Variants in SEL1L observed in about 807,000 individuals in gnomAD.
SEL1L encodes protein sel-1 homolog 1.
SEL1L carries 52 observed loss-of-function variants against 109.8 expected under a neutral mutation model. The observed-to-expected ratio is 0.47, with a 90% confidence interval of 0.38 to 0.60. SEL1L has a LOEUF of 0.60. Among genes scored for constraint, SEL1L ranks in the 20% least tolerant of loss-of-function variants. The pLI, the probability that SEL1L is intolerant of heterozygous loss-of-function variation, is 0.00. For missense variants in SEL1L, 749 were observed against 962.2 expected, an observed-to-expected ratio of 0.78 and a Z score of 2.93; for synonymous variants, 373 against 339.6, an observed-to-expected ratio of 1.10 and a Z score of -1.08.
intron 3 of SEL1L, among the ~76,000 whole-genome samples, chr14:81,507,205 A>G (rs1884274920): frequency 6.6e-6 from 1 of 152,218 alleles, no homozygotes; most frequent in Admixed American, 6.5e-5. Context: ...AGAACAATGG[A>G]AACTCACTGA....
Position 81,525,124 on chromosome 14 carries a change from T to C in SEL1L, c.340+1609A>G, listed in dbSNP as rs117546986. ...ATGCGGAATTTGCCTTAAAATATTCTAGGAAAGAAAAAAAGGGCAAATGTG... is the reference window on the plus strand; with the variant it reads ...ATGCGGAATTTGCCTTAAAATATTCCAGGAAAGAAAAAAAGGGCAAATGTG... On this transcript the variant is annotated intron_variant, in intron 3 of 20. Transcript: ENST00000336735. Among the ~76,000 whole-genome samples the C allele has an allele frequency of 2.2e-3, 331 of 152,170 alleles. 2 individuals are homozygous for C. In the Middle Eastern group the frequency reaches 0.037, roughly 17 times the overall value.
Position 81,472,852 on chromosome 14 carries a change from G to GT in SEL1L, c.*4119_*4120insA. The GT allele has an allele frequency of 4.2e-6, 1 of 235,788 alleles. No homozygotes were observed. Among genetic ancestry groups the GT allele is most frequent in the South Asian group, 4.9e-5 (1 of 20,412 alleles). The allele number at this position is 235,788 out of a possible 1,614,324, so 14.6% of individuals were successfully genotyped here. ...AATTTCCAAAAAACATTAAAAAATT[G>GT]AATCATTCAGCTTAAAAAAAGTCTG... On this transcript the variant is annotated 3_prime_UTR_variant, in exon 21 of 21. Coordinates refer to ENST00000336735, the MANE Select transcript of SEL1L (RefSeq NM_005065.6).
chr14:81,489,425 A>T, intron 13 of SEL1L, 111 bp from the exon 14 acceptor site: 3 of 854,808 alleles, frequency 3.5e-6, no homozygotes, highest in Non-Finnish European at 1.9e-6. Context: ...AACATGTCTT[A>T]GTACTTTTCA....
At chr14:81,513,061 C>T (rs1489280276) in intron 3 of SEL1L, among the ~76,000 whole-genome samples, 3 of 152,184 alleles carry the variant, frequency 2.0e-5, no homozygotes, top group Admixed American at 1.3e-4. Context: ...CCAATCAGCA[C>T]TCTGTGTCTA....
At chr14:81,489,416 A>G in intron 13 of SEL1L, 102 bp from the exon 14 acceptor site, 1 of 942,688 alleles carries the variant, frequency 1.1e-6, no homozygotes, top group East Asian at 2.4e-5. Context: ...ATATTCAAAA[A>G]CATGTCTTAG....
intron 3 of SEL1L, among the ~76,000 whole-genome samples, chr14:81,513,561 A>G (rs1884574588): frequency 6.6e-6 from 1 of 152,202 alleles, no homozygotes. Context: ...AATTCTGGAC[A>G]CATTTTGGCA....
chr14:81,505,908 T>C (rs1001808713), intron 4 of SEL1L, among the ~76,000 whole-genome samples, 166 bp downstream of exon 4: 4 of 152,160 alleles, frequency 2.6e-5, no homozygotes, highest in African/African-American at 9.7e-5. Context: ...TGAAAATAAA[T>C]ACACCAAGTT....
intron 3 of SEL1L, among the ~76,000 whole-genome samples, chr14:81,525,103 G>A (rs1446506605): frequency 3.9e-5 from 6 of 152,100 alleles, no homozygotes; most frequent in South Asian, 2.1e-4. Context: ...AAGCACATGC[G>A]GAATTTGCCT....
chr14:81,480,010 T>C (rs12890754), intron 19 of SEL1L, among the ~76,000 whole-genome samples: 84,449 of 151,868 alleles, frequency 0.56, 27,083 homozygotes, highest in East Asian at 0.74. Flanking sequence ...CATATATCTA[T>C]GCATTAACAC....
At chr14:81,496,146 A>T (rs974041070) in intron 10 of SEL1L, among the ~76,000 whole-genome samples, 1 of 151,876 alleles carries the variant, frequency 6.6e-6, no homozygotes, top group Non-Finnish European at 1.5e-5. Flanking sequence ...ACATGGTGAA[A>T]CCCTGTCTCT....
intron 12 of SEL1L, 134 bp from the exon 13 acceptor site, chr14:81,490,599 A>C: frequency 1.4e-6 from 1 of 697,830 alleles, no homozygotes; most frequent in Non-Finnish European, 2.4e-6. Context: ...CCCACAGGAT[A>C]TTTTAGAATT....
In SEL1L at chr14:81,522,869, T is replaced by C. The variant is rs1884975103; in HGVS notation, c.340+3864A>G. Among the ~76,000 whole-genome samples the C allele has an allele frequency of 2.0e-5, 3 of 152,192 alleles. 1 individual carries two copies. In the South Asian group the frequency reaches 6.2e-4, roughly 32 times the overall value. On this transcript the variant is annotated intron_variant, in intron 3 of 20. Coordinates refer to ENST00000336735, the MANE Select transcript of SEL1L (RefSeq NM_005065.6). ...CTATGTAAATAGTTACGCTACATTGTTCAGGGAATAATGACAAGAACAAAA... is the reference window on the plus strand; with the variant it reads ...CTATGTAAATAGTTACGCTACATTGCTCAGGGAATAATGACAAGAACAAAA...
At chr14:81,515,863 G>A (rs980402239) in intron 3 of SEL1L, among the ~76,000 whole-genome samples, 2 of 152,072 alleles carry the variant, frequency 1.3e-5, no homozygotes, top group African/African-American at 4.8e-5. Flanking sequence ...TCTATAATAG[G>A]GACCAAGAGG....
intron 3 of SEL1L, among the ~76,000 whole-genome samples, chr14:81,511,365 A>G (rs539252620): frequency 2.3e-4 from 35 of 152,348 alleles, no homozygotes; most frequent in Admixed American, 6.5e-4. Context: ...GGCAAACTTC[A>G]TATTAATCAG....
intron 14 of SEL1L, chr14:81,488,881 G>C: frequency 3.7e-6 from 1 of 272,238 alleles, no homozygotes; most frequent in Non-Finnish European, 7.0e-6. Flanking sequence ...GGGCAGAACA[G>C]AAAGCTTTCC....
rs769274285 is a variant in SEL1L, at chr14:81,493,238, G to A, written c.1186-690C>T. On this transcript the variant is annotated intron_variant, in intron 11 of 20. Coordinates refer to ENST00000336735, the MANE Select transcript of SEL1L (RefSeq NM_005065.6). Reference sequence around the variant, plus strand: ...CAAAAAATAAAACTCAGCAGGGCACGGTGGCTCTCACCTGTAATCCCTGCA... The same window carrying A: ...CAAAAAATAAAACTCAGCAGGGCACAGTGGCTCTCACCTGTAATCCCTGCA... 1.1e-4 allele frequency among the ~76,000 whole-genome samples: 16 copies of A among 152,108 alleles called. 1 individual carries two copies. Among genetic ancestry groups the A allele is most frequent in the Admixed American group, 8.5e-4 (13 of 15,264 alleles).
intron 19 of SEL1L, among the ~76,000 whole-genome samples, chr14:81,482,270 T>G (rs1053894542): frequency 2.0e-5 from 3 of 152,224 alleles, no homozygotes; most frequent in Admixed American, 6.5e-5. Context: ...AAAAACAGAT[T>G]AGTTATATCA....
chr14:81,526,332 G>T (rs1261571987), intron 3 of SEL1L, among the ~76,000 whole-genome samples: 2 of 152,172 alleles, frequency 1.3e-5, no homozygotes, highest in Non-Finnish European at 2.9e-5. Context: ...CAAGGTTATT[G>T]TAGTAATAAT....
intron 6 of SEL1L, among the ~76,000 whole-genome samples, chr14:81,501,499 A>T (rs1181848553): frequency 6.6e-6 from 1 of 152,192 alleles, no homozygotes; most frequent in East Asian, 1.9e-4. Flanking sequence ...AAAGGGGAAC[A>T]ATTAAGATAT....
Sources: allele counts gnomAD v4.1 joint callset (sites outside exome capture counted in the v4.1 genomes callset), GRCh38; gene constraint gnomAD v4.1.1; transcripts MANE v1.5; gene names NCBI Gene and HGNC (gene_info 2026-07-23, HGNC 2026-07-21).